The following NOP53 variants were observed in gnomAD, a reference collection of about 807,000 sequenced individuals.
NOP53 encodes NOP53 ribosome biogenesis factor.
NOP53 carries 40 observed loss-of-function variants against 61.0 expected under a neutral mutation model. That is an observed-to-expected ratio of 0.66 (90% CI 0.51 to 0.85). The LOEUF is 0.85. Ranked by LOEUF, NOP53 falls within the 40% of genes least tolerant of loss-of-function variation. The pLI is 0.00. For synonymous variants in NOP53, 308 were observed against 289.5 expected, an observed-to-expected ratio of 1.06 and a Z score of -0.65; for missense variants, 689 against 652.9, an observed-to-expected ratio of 1.06 and a Z score of -0.60.
intron 10 of NOP53, 177 bp downstream of exon 10, chr19:47,755,999 G>A (rs1421855999): frequency 5.0e-6 from 3 of 603,148 alleles, no homozygotes; most frequent in African/African-American, 1.9e-5. Flanking sequence ...TGAGGGGCCA[G>A]GCTAAGGTTT....
chr19:47,751,661 G>A, intron 5 of NOP53, 71 bp downstream of exon 5: 1 of 1,166,942 alleles, frequency 8.6e-7, no homozygotes, highest in Non-Finnish European at 1.3e-6. Flanking sequence ...CTGTGTTCCT[G>A]CAGTAGAGTC....
At chr19:47,752,956 G>C (rs1021722461) in intron 6 of NOP53, 1 of 225,052 alleles carries the variant, frequency 4.4e-6, no homozygotes, top group Non-Finnish European at 8.9e-6. Flanking sequence ...ACAGAGTTGA[G>C]AGAGACCGTG....
chr19:47,755,074 G>T (rs968395056), intron 8 of NOP53, among the ~76,000 whole-genome samples, 183 bp downstream of exon 8: 8 of 152,132 alleles, frequency 5.3e-5, no homozygotes, highest in African/African-American at 1.9e-4. Flanking sequence ...TTCCAGGCAG[G>T]GCTCGGGCTG....
chr19:47,755,013 G>T, intron 8 of NOP53, 122 bp downstream of exon 8: 1 of 952,902 alleles, frequency 1.0e-6, no homozygotes, highest in Non-Finnish European at 1.5e-6. Context: ...CATGTGGCCT[G>T]TGGTTTGGGC....
rs575090915 is a variant in NOP53, at chr19:47,751,245, G to A, written c.598+138G>A. ...TGGTGACCTCCCAGCAGAGTCGTGC[G>A]TCCTGAAGGGGCGGCCGTTTCCCAC... On this transcript the variant is annotated intron_variant, in intron 4 of 12. Coordinates refer to ENST00000246802, the MANE Select transcript of NOP53 (RefSeq NM_015710.5). 39 of 808,410 alleles carry A rather than the reference G, an allele frequency of 4.8e-5. 1 individual carries two copies. The highest frequency in any genetic ancestry group is 3.7e-4 in the East Asian group (14 of 37,446). The allele number at this position is 808,410 out of a possible 1,614,324, so 50.1% of individuals were successfully genotyped here.
intron 9 of NOP53, 87 bp downstream of exon 9, chr19:47,755,610 T>C: frequency 7.3e-7 from 1 of 1,368,928 alleles, no homozygotes; most frequent in Non-Finnish European, 9.9e-7. Context: ...GTTCAGGAAC[T>C]GCCCACCCCC....
chr19:47,755,642 C>A (rs1309148530), intron 9 of NOP53, 114 bp from the exon 10 acceptor site: 5 of 1,331,776 alleles, frequency 3.8e-6, no homozygotes, highest in Non-Finnish European at 5.2e-6. Context: ...ACCACCTCTT[C>A]CCCCACAAAA....
At chr19:47,752,676 C>T in intron 6 of NOP53, 69 bp downstream of exon 6, 1 of 969,872 alleles carries the variant, frequency 1.0e-6, no homozygotes, top group Non-Finnish European at 1.7e-6. Flanking sequence ...CACTAGCTTC[C>T]TCCCTGTGCT....
intron 1 of NOP53, chr19:47,746,720 C>G (rs1328894129): frequency 5.3e-6 from 2 of 378,534 alleles, no homozygotes; most frequent in East Asian, 1.1e-4. Flanking sequence ...CCAGGCTGCT[C>G]TTGAACTCCT....
intron 1 of NOP53, chr19:47,746,458 G>C (rs970636580): frequency 1.8e-4 from 28 of 152,878 alleles, no homozygotes; most frequent in African/African-American, 5.3e-4. Context: ...CTGCCTCCTG[G>C]GTTCAAGTGA....
intron 5 of NOP53, 42 bp from the exon 6 acceptor site, chr19:47,752,470 C>T: frequency 8.0e-7 from 1 of 1,247,180 alleles, no homozygotes; most frequent in Non-Finnish European, 1.2e-6. Flanking sequence ...CACCCGCAGC[C>T]CCAACGCACG....
intron 3 of NOP53, among the ~76,000 whole-genome samples, chr19:47,750,669 G>T (rs1217165000): frequency 6.6e-6 from 1 of 152,128 alleles, no homozygotes; most frequent in African/African-American, 2.4e-5. Context: ...GGTGTGAGGT[G>T]CCTGGGGTAT....
chr19:47,750,851 G>T, intron 3 of NOP53, 57 bp from the exon 4 acceptor site: 16 of 1,445,274 alleles, frequency 1.1e-5, no homozygotes, highest in Non-Finnish European at 1.5e-5. Context: ...AGGAGGCCCT[G>T]CTGCCGTTCA....
chr19:47,756,440 G>T, intron 10 of NOP53, 88 bp from the exon 11 acceptor site: 1 of 1,055,840 alleles, frequency 9.5e-7, no homozygotes, highest in Non-Finnish European at 1.4e-6. Context: ...AGACTGCATG[G>T]GGCTGAGCCC....
chr19:47,756,135 G>A, intron 10 of NOP53: 2 of 514,882 alleles, frequency 3.9e-6, no homozygotes, highest in Non-Finnish European at 7.0e-6. Flanking sequence ...CTCGGAACCT[G>A]CTGTGGCTCC....
Position 47,754,535 on chromosome 19 carries a change from C to G in NOP53, c.774C>G (p.Leu258=). 6.5e-7 allele frequency: 1 copy of G among 1,550,372 alleles called. No individual in the cohort carries two copies. The highest frequency in any genetic ancestry group is 1.2e-5 in the South Asian group (1 of 84,054). The change falls in exon 7 of 13, where the codon CTC becomes CTG. Residue 258 remains leucine (L), a synonymous_variant. Coordinates refer to ENST00000246802, the MANE Select transcript of NOP53 (RefSeq NM_015710.5). This position sits in a 1 kb window ranked among gnomAD's most constrained non-coding sequence, Gnocchi z 4.2. Reference sequence around the variant, plus strand: ...TCACTCCCGCCCCTCAGACCCTGCTCTCAGCGGCCCACGAGGTGGAGTTGC... The same window carrying G: ...TCACTCCCGCCCCTCAGACCCTGCTGTCAGCGGCCCACGAGGTGGAGTTGC... ...NPSFEDHQTL[L]SAAHEVELQR...
rs1365060811 is a variant in NOP53, at chr19:47,756,787, C to T, written c.1430+43C>T. ...CGGCGCAAGGAAGGGAGCCCTTCTC[C>T]CACCCCGTGGTGCCCACCGAGTCCC... On this transcript the variant is annotated intron_variant, in intron 12 of 12. Transcript: ENST00000246802. The T allele has an allele frequency of 2.5e-6, 4 of 1,600,668 alleles. No individual in the cohort carries two copies. In the African/African-American group the frequency reaches 4.0e-5, roughly 16 times the overall value.
chr19:47,755,296 TC>T (rs1445234858), intron 8 of NOP53, 51 bp from the exon 9 acceptor site: 11 of 1,271,508 alleles, frequency 8.7e-6, no homozygotes, highest in Admixed American at 3.2e-5. Flanking sequence ...AGAGAAGGTC[TC>T]CCTGTGTGGG....
rs1367651314 is a variant in NOP53 at position 47,745,766 on chromosome 19, A to G, written c.207A>G (p.Leu69=). The change falls in exon 1 of 13, where the codon CTA becomes CTG. Residue 69 remains leucine, a synonymous_variant. Transcript: ENST00000246802. ...EVDQFLEDVR[L]QERTSGGLLS... ...ACCAGTTCCTGGAAGACGTGCGGCT[A>G]CAGGAGCGCACGAGCGGGTACGTTG... The G allele has an allele frequency of 2.5e-6, 4 of 1,568,982 alleles. No homozygotes were observed. The highest frequency in any genetic ancestry group is 3.5e-6 in the Non-Finnish European group (4 of 1,158,350).
Sources: gnomAD v4.1 joint callset for allele counts (sites outside exome capture counted in the v4.1 genomes callset) on GRCh38, gnomAD v4.1.1 for gene constraint, Gnocchi (gnomAD v3.1) non-coding constraint, MANE v1.5 for transcripts, NCBI Gene and HGNC (gene_info 2026-07-23, HGNC 2026-07-21) for gene names.